The following RYR3 variants were observed in gnomAD, a reference collection of about 807,000 sequenced individuals.
RYR3 encodes the protein ryanodine receptor 3.
RYR3 carries 207 observed loss-of-function variants against 584.3 expected under a neutral mutation model. That is an observed-to-expected ratio of 0.35 (90% CI 0.32 to 0.40). RYR3 has a LOEUF of 0.40. Among genes scored for constraint, RYR3 ranks in the 10% least tolerant of loss-of-function variants. The pLI, the probability that RYR3 is intolerant of heterozygous loss-of-function variation, is 1.00. For synonymous variants in RYR3, 2,416 were observed against 2,248.5 expected (o/e 1.07, Z -2.11); for missense variants, 5,616 against 6,089.2 (o/e 0.92, Z 2.59).
intron 43 of RYR3, among the ~76,000 whole-genome samples, chr15:33,720,141 G>A (rs944549019): frequency 2.6e-5 from 4 of 152,172 alleles, no homozygotes; most frequent in African/African-American, 9.7e-5. Flanking sequence ...ATTGAGCTAC[G>A]CAACTCTAAA....
intron 43 of RYR3, among the ~76,000 whole-genome samples, chr15:33,709,879 G>T (rs565089279): frequency 3.9e-5 from 6 of 152,286 alleles, no homozygotes; most frequent in African/African-American, 1.4e-4. Context: ...GTTATAATGG[G>T]GAAAACCTAA....
At chr15:33,819,509 T>TA (rs1337275488) in intron 76 of RYR3, among the ~76,000 whole-genome samples, 5 of 151,728 alleles carry the variant, frequency 3.3e-5, no homozygotes, top group African/African-American at 1.2e-4. Flanking sequence ...CCATCTCTAC[T>TA]AAAAATATAA....
At chr15:33,817,037 T>C in intron 75 of RYR3, 79 bp downstream of exon 75, 1 of 837,246 alleles carries the variant, frequency 1.2e-6, no homozygotes, top group South Asian at 1.6e-5. Context: ...GTTGTAACAG[T>C]TAAACATTCA....
chr15:33,619,389 G>A (rs886377006), intron 19 of RYR3, among the ~76,000 whole-genome samples: 7 of 152,170 alleles, frequency 4.6e-5, no homozygotes, highest in African/African-American at 1.7e-4. Flanking sequence ...AGGAGCCAGG[G>A]AGGAAAACAT....
chr15:33,581,683 C>T (rs2058600946), intron 14 of RYR3, 40 bp downstream of exon 14: 1 of 1,583,016 alleles, frequency 6.3e-7, no homozygotes, highest in Non-Finnish European at 8.7e-7. Context: ...GGATGATTTC[C>T]ATGGGATTTC....
At chr15:33,558,833 A>G (rs2057245794) in intron 10 of RYR3, among the ~76,000 whole-genome samples, 2 of 152,204 alleles carry the variant, frequency 1.3e-5, no homozygotes, top group Admixed American at 1.3e-4. Flanking sequence ...CACAGTTCCC[A>G]AGAGGAATGG....
intron 83 of RYR3, 133 bp downstream of exon 83, chr15:33,826,402 T>A: frequency 2.2e-6 from 2 of 925,134 alleles, no homozygotes; most frequent in East Asian, 4.8e-5. Context: ...TGGTACTTAA[T>A]TAAAGAAGTG....
At chr15:33,345,519 C>T (rs1349597191) in intron 1 of RYR3, among the ~76,000 whole-genome samples, 1 of 152,070 alleles carries the variant, frequency 6.6e-6, no homozygotes, top group Non-Finnish European at 1.5e-5. Flanking sequence ...AATGTTTTCA[C>T]GATGGAGTTT....
At chr15:33,799,034 A>G (rs2075776269) in intron 67 of RYR3, among the ~76,000 whole-genome samples, 1 of 151,782 alleles carries the variant, frequency 6.6e-6, no homozygotes, top group South Asian at 2.1e-4. Flanking sequence ...GGTTTTTTAG[A>G]CCATTTTGAG....
chr15:33,769,228 C>T (rs2073371247), intron 62 of RYR3, 56 bp downstream of exon 62: 1 of 1,235,674 alleles, frequency 8.1e-7, no homozygotes. Flanking sequence ...CTGACCCTCT[C>T]ATCTCACTAA....
At chr15:33,436,495 C>T (rs1395731963) in intron 1 of RYR3, among the ~76,000 whole-genome samples, 1 of 150,888 alleles carries the variant, frequency 6.6e-6, no homozygotes, top group Admixed American at 6.6e-5. Context: ...TTCATGAAAC[C>T]ATATTCTTTT....
At chr15:33,587,290 A>G (rs1245293772) in intron 16 of RYR3, among the ~76,000 whole-genome samples, 2 of 152,196 alleles carry the variant, frequency 1.3e-5, no homozygotes. Flanking sequence ...TGTAATGAGA[A>G]TAATCAATAG....
intron 88 of RYR3, among the ~76,000 whole-genome samples, 170 bp downstream of exon 88, chr15:33,837,157 G>A (rs149441227): frequency 1.3e-5 from 2 of 152,314 alleles, no homozygotes; most frequent in East Asian, 1.9e-4. Flanking sequence ...CTGGTCTGAC[G>A]GACGAAGCCT....
intron 1 of RYR3, among the ~76,000 whole-genome samples, chr15:33,361,762 G>A (rs900552562): frequency 1.8e-4 from 28 of 152,206 alleles, no homozygotes; most frequent in African/African-American, 6.3e-4. Flanking sequence ...AACCTAGTGC[G>A]TGAGGAGTAG....
intron 47 of RYR3, among the ~76,000 whole-genome samples, chr15:33,729,549 G>T (rs1329101642): frequency 6.6e-6 from 1 of 152,146 alleles, no homozygotes; most frequent in Non-Finnish European, 1.5e-5. Context: ...TAGGTCTGAA[G>T]CCAGGGGCCT....
chr15:33,784,772 T>A (rs2074602287), intron 65 of RYR3, among the ~76,000 whole-genome samples: 1 of 152,186 alleles, frequency 6.6e-6, no homozygotes, highest in Non-Finnish European at 1.5e-5. Context: ...GTCAGGAACT[T>A]CAGGATGCTT....
chr15:33,347,049 A>G lies in RYR3; in HGVS notation c.51+35953A>G, dbSNP rs145902922. Among the ~76,000 whole-genome samples the G allele has an allele frequency of 4.8e-3, 727 of 152,266 alleles. 3 individuals are homozygous for G. The highest frequency in any genetic ancestry group is 0.044 in the Middle Eastern group (13 of 294). On this transcript the variant is annotated intron_variant, in intron 1 of 103. Transcript: ENST00000634891. ...TTTGGGGAGGAAGATCACAGATGTA[A>G]AATGCCATTTTCATCATGTCATATC...
Position 33,736,272 on chromosome 15 carries a change from C to T in RYR3, c.7462C>T (p.Arg2488Cys), listed in dbSNP as rs775041835. Reference protein sequence around the residue: ...RPSMLQQLLRRLVFDVPQLNE... With the variant: ...RPSMLQQLLRCLVFDVPQLNE... ...TTCCATGTTACAGCAACTCCTGCGA[C>T]GCCTCGTTTTTGATGTGCCGCAACT... The change falls in exon 49 of 104, where the codon CGC becomes TGC. Residue 2488 changes from arginine (R) to cysteine (C), a missense_variant. By Grantham distance (180) the Arg-to-Cys change is radical. Around this residue, in one of 9 missense-constraint regions of RYR3, gnomAD observed 1,280 missense variants for 1,426.2 expected, o/e 0.90. Coordinates refer to ENST00000634891, the MANE Select transcript of RYR3 (RefSeq NM_001036.6). 46 of 1,613,266 alleles carry T rather than the reference C, an allele frequency of 2.9e-5. No individual in the cohort carries two copies. The South Asian group carries it at 3.8e-4, about 13-fold the overall frequency.
intron 45 of RYR3, among the ~76,000 whole-genome samples, chr15:33,725,182 C>CATATAT (rs1210417842): frequency 4.0e-5 from 6 of 149,386 alleles, no homozygotes; most frequent in Non-Finnish European, 7.5e-5. Context: ...CACACACACA[C>CATATAT]ACACACACAC....
Sources: gnomAD v4.1 joint callset for allele counts (sites outside exome capture counted in the v4.1 genomes callset) on GRCh38, gnomAD v4.1.1 for gene constraint, gnomAD v4.1.1 regional missense constraint, MANE v1.5 for transcripts, NCBI Gene and HGNC (gene_info 2026-07-23, HGNC 2026-07-21) for gene names.